NBPF12: variants seen among roughly 807,000 people sequenced by gnomAD.
NBPF12 encodes the protein NBPF member 12, also known as NBPF family member NBPF12.
NBPF12 carries 115 observed loss-of-function variants against 146.4 expected under a neutral mutation model. That is an observed-to-expected ratio of 0.79 (90% CI 0.68 to 0.92). NBPF12 has a LOEUF of 0.92. NBPF12 is among the 40% of genes least tolerant of loss of function. NBPF12 has a pLI of 0.00. For missense variants in NBPF12, 1,205 were observed against 1,326.8 expected, an observed-to-expected ratio of 0.91 and a Z score of 1.43; for synonymous variants, 385 against 508.9, an observed-to-expected ratio of 0.76 and a Z score of 3.28.
At chr1:146,962,180 C>T (rs1655892461) in exon 5 of NBPF12, 2 of 1,608,878 alleles carry the variant, frequency 1.2e-6, no homozygotes, top group Non-Finnish European at 1.7e-6. Context: ...AGTGTAAAGA[C>T]CTCATAAAAT....
At chr1:146,994,256 T>G (rs1353187776) in intron 33 of NBPF12, 76 bp from the exon 37 acceptor site, 10 of 1,610,390 alleles carry the variant, frequency 6.2e-6, no homozygotes, top group African/African-American at 4.0e-5. Flanking sequence ...TTCCTTATGT[T>G]ACTTCTGAAA....
At chr1:146,977,091 A>G (rs1657087324) in intron 17 of NBPF12, 90 bp downstream of exon 20, 5 of 628,858 alleles carry the variant, frequency 8.0e-6, no homozygotes, top group Non-Finnish European at 1.4e-5. Context: ...ATGATGGGCC[A>G]AAAACCCGCA....
chr1:146,944,910 TCCTCCCTCCCTCCCTGCCTC>T (rs1654957120), upstream of NBPF12, among the ~76,000 whole-genome samples: 4 of 71,658 alleles, frequency 5.6e-5, no homozygotes, highest in Non-Finnish European at 1.1e-4. Context: ...CTTCCTCCCT[TCCTCCCTCCCTCCCTGCCTC>T]CCTCCCTCCC....
At chr1:146,960,538 T>G in intron 4 of NBPF12, among the ~76,000 whole-genome samples, 1 of 152,008 alleles carries the variant, frequency 6.6e-6, no homozygotes, top group East Asian at 1.9e-4. Context: ...GGACTAGAGT[T>G]AAACTCACAG....
chr1:146,955,013 TACACACACACAC>T (rs1228510348), intron 2 of NBPF12, among the ~76,000 whole-genome samples: 1 of 67,460 alleles, frequency 1.5e-5, no homozygotes, highest in Admixed American at 2.0e-4. Flanking sequence ...TATATATATA[TACACACACACAC>T]ACATATATAT....
At chr1:146,949,032 G>A (rs1260462258), upstream of NBPF12, among the ~76,000 whole-genome samples, 1 of 151,948 alleles carries the variant, frequency 6.6e-6, no homozygotes, top group Non-Finnish European at 1.5e-5. Flanking sequence ...GTGTTTACCT[G>A]CTGATCTTCT....
At chr1:146,974,286 T>A (rs1415580968) in intron 14 of NBPF12, among the ~76,000 whole-genome samples, 1 of 143,010 alleles carries the variant, frequency 7.0e-6, no homozygotes, top group South Asian at 2.2e-4. Flanking sequence ...CAAAGATTTT[T>A]AAAATCTTTC....
intron 4 of NBPF12, among the ~76,000 whole-genome samples, chr1:146,960,912 C>T (rs1329395675): frequency 2.6e-5 from 4 of 152,128 alleles, no homozygotes; most frequent in Non-Finnish European, 5.9e-5. Flanking sequence ...CTTTGGGAGG[C>T]TGAGGCGGGC....
chr1:146,980,321 G>A (rs1485097445), intron 19 of NBPF12, among the ~76,000 whole-genome samples: 6 of 152,010 alleles, frequency 3.9e-5, no homozygotes, highest in African/African-American at 1.2e-4. Context: ...TACATTTAAG[G>A]TTAATATTGT....
At chr1:146,944,914 C>T (rs1189114043), upstream of NBPF12, among the ~76,000 whole-genome samples, 9 of 107,626 alleles carry the variant, frequency 8.4e-5, no homozygotes, top group African/African-American at 2.8e-4. Flanking sequence ...CTCCCTTCCT[C>T]CCTCCCTCCC....
chr1:146,961,428 G>T (rs1219047403), intron 4 of NBPF12, among the ~76,000 whole-genome samples: 32 of 152,026 alleles, frequency 2.1e-4, no homozygotes, highest in Non-Finnish European at 4.4e-4. Flanking sequence ...TTGCTGCAAT[G>T]AATTACATGA....
rs1191863324 is a variant in NBPF12 at position 146,962,010 on chromosome 1, C to T, written c.176-151C>T. Reference sequence around the variant, plus strand: ...GATCAGATGCCAGAAAGTCAGGAGACTGAAGAGTAAAGATGTGGAAATCCC... The same window carrying T: ...GATCAGATGCCAGAAAGTCAGGAGATTGAAGAGTAAAGATGTGGAAATCCC... On this transcript the variant is annotated intron_variant, in intron 4 of 33. Transcript: ENST00000617844. The T allele has an allele frequency of 0.014, 9,379 of 682,750 alleles. 665 individuals are homozygous for T. In the African/African-American group the frequency reaches 0.15, roughly 11 times the overall value. The allele number at this position is 682,750 out of a possible 1,614,324, so 42.3% of individuals were successfully genotyped here.
intron 1 of NBPF12, among the ~76,000 whole-genome samples, chr1:146,950,587 T>C (rs1655283999): frequency 1.3e-5 from 2 of 151,976 alleles, no homozygotes; most frequent in African/African-American, 4.8e-5. Flanking sequence ...TCTGCATTTC[T>C]TGAAACCATT....
intron 19 of NBPF12, among the ~76,000 whole-genome samples, chr1:146,982,013 C>G (rs1381814461): frequency 6.8e-6 from 1 of 148,008 alleles, no homozygotes; most frequent in African/African-American, 2.6e-5. Flanking sequence ...TCCTTTAGCT[C>G]AGAGAAGTTT....
intron 13 of NBPF12, among the ~76,000 whole-genome samples, chr1:146,972,286 T>A (rs1350217705): frequency 6.6e-6 from 1 of 150,916 alleles, no homozygotes; most frequent in Admixed American, 6.6e-5. Flanking sequence ...CCCAGATGCT[T>A]GGCAGGCTGA....
At chr1:146,969,680 T>C (rs1331427923) in intron 11 of NBPF12, 84 bp downstream of exon 14, 3 of 1,531,998 alleles carry the variant, frequency 2.0e-6, no homozygotes, top group Non-Finnish European at 2.7e-6. Context: ...ATGACAGTTG[T>C]ATCAGTGGGG....
intron 18 of NBPF12, among the ~76,000 whole-genome samples, chr1:146,978,570 T>C (rs1167561715): frequency 6.6e-6 from 1 of 151,966 alleles, no homozygotes; most frequent in African/African-American, 2.4e-5. Flanking sequence ...AATTTATCTA[T>C]CAGTCGTGTT....
chr1:146,943,442 C>T (rs1295125046), exon 2 of NBPF12: 6 of 580,986 alleles, frequency 1.0e-5, no homozygotes, highest in Non-Finnish European at 1.7e-5. Flanking sequence ...GCCACCAACT[C>T]CCACTGTCCA....
chr1:146,964,187 C>G (rs1331040213), intron 6 of NBPF12, among the ~76,000 whole-genome samples, 170 bp from the exon 10 acceptor site: 4 of 149,840 alleles, frequency 2.7e-5, no homozygotes, highest in African/African-American at 1.0e-4. Flanking sequence ...AAATGCATTG[C>G]CTGATGGACC....
Sources: allele counts gnomAD v4.1 joint callset (sites outside exome capture counted in the v4.1 genomes callset), GRCh38; gene constraint gnomAD v4.1.1; transcripts MANE v1.5; gene names NCBI Gene and HGNC (gene_info 2026-07-23, HGNC 2026-07-21).